DGKB: variants seen among roughly 807,000 people sequenced by gnomAD.
The protein encoded by DGKB is diacylglycerol kinase beta.
Under a neutral mutation model 114.3 loss-of-function variants are expected in DGKB, and 67 were observed. The ratio of observed to expected loss-of-function variants is 0.59; its 90% CI spans 0.48 to 0.72. DGKB has a LOEUF of 0.72. DGKB is among the 30% of genes least tolerant of loss of function. The pLI is 0.00. For synonymous variants in DGKB, 398 were observed against 323.1 expected (o/e 1.23, Z -2.49); for missense variants, 907 against 975.2 (o/e 0.93, Z 0.93).
At chr7:14,401,105 A>G (rs1823033086) in intron 21 of DGKB, among the ~76,000 whole-genome samples, 3 of 151,838 alleles carry the variant, frequency 2.0e-5, no homozygotes, top group Admixed American at 6.6e-5. Flanking sequence ...ATAAAATCCA[A>G]TGTCTCTGAT....
chr7:14,973,842 T>A (rs918344082), intron 1 of DGKB, among the ~76,000 whole-genome samples: 6 of 147,926 alleles, frequency 4.1e-5, no homozygotes, highest in Non-Finnish European at 8.9e-5. Flanking sequence ...TAAAAATAAA[T>A]CTAAAATATA....
intron 21 of DGKB, among the ~76,000 whole-genome samples, chr7:14,356,335 C>G (rs528388336): frequency 9.2e-5 from 13 of 142,072 alleles, no homozygotes; most frequent in African/African-American, 3.4e-4. Context: ...AATTTGTTTG[C>G]TCTTGCTTCT....
intron 17 of DGKB, among the ~76,000 whole-genome samples, chr7:14,589,263 T>C (rs1353871077): frequency 1.3e-5 from 2 of 152,004 alleles, no homozygotes; most frequent in African/African-American, 4.8e-5. Context: ...ATTATCACTG[T>C]TTTTCTATTG....
chr7:14,681,705 A>C (rs1585612131), intron 12 of DGKB, among the ~76,000 whole-genome samples: 2 of 152,128 alleles, frequency 1.3e-5, no homozygotes, highest in Non-Finnish European at 2.9e-5. Flanking sequence ...AAAATGTGTG[A>C]TTCTAATTAA....
At chr7:14,712,464 G>C (rs1205550355) in intron 6 of DGKB, among the ~76,000 whole-genome samples, 3 of 152,070 alleles carry the variant, frequency 2.0e-5, no homozygotes, top group African/African-American at 7.2e-5. Context: ...TTGAGGTCAG[G>C]AGTTCAAGAG....
At chr7:14,782,726 A>G (rs991716879) in intron 2 of DGKB, among the ~76,000 whole-genome samples, 7 of 152,200 alleles carry the variant, frequency 4.6e-5, no homozygotes, top group Non-Finnish European at 7.3e-5. Context: ...TCTAGATGAG[A>G]AAGCCCCATA....
chr7:14,269,501 C>T (rs568737998), intron 23 of DGKB, among the ~76,000 whole-genome samples: 6 of 152,242 alleles, frequency 3.9e-5, no homozygotes, highest in South Asian at 2.1e-4. Context: ...CTATGAGCCA[C>T]GGTTAGTATA....
chr7:14,755,067 T>A (rs1054365243), intron 3 of DGKB, among the ~76,000 whole-genome samples: 2 of 152,178 alleles, frequency 1.3e-5, no homozygotes, highest in Non-Finnish European at 2.9e-5. Flanking sequence ...ATTTAAAAAC[T>A]TTGTAATTTT....
In DGKB at chr7:14,912,760, G is replaced by T. The variant is rs570634674; in HGVS notation, c.-188+61936C>A. Among the ~76,000 whole-genome samples, 3 of 152,080 alleles carry T rather than the reference G, an allele frequency of 2.0e-5. No homozygotes were observed. In the South Asian group the frequency reaches 6.2e-4, roughly 32 times the overall value. On this transcript the variant is annotated intron_variant, in intron 1 of 4. Coordinates refer to the DGKB transcript ENST00000437998. ...TATGTCATTTTATGATGTTAACTGT[G>T]GCTCCAGGCTCCATTTCTCTTGTAG...
At chr7:14,162,023 T>C (rs1002857557) in intron 25 of DGKB, among the ~76,000 whole-genome samples, 1 of 152,224 alleles carries the variant, frequency 6.6e-6, no homozygotes, top group African/African-American at 2.4e-5. Flanking sequence ...AGTTCTGTAT[T>C]AGTGATAAGC....
At chr7:14,496,344 G>GGTGGT (rs1785306169) in intron 20 of DGKB, among the ~76,000 whole-genome samples, 1 of 151,594 alleles carries the variant, frequency 6.6e-6, no homozygotes, top group Non-Finnish European at 1.5e-5. Flanking sequence ...AAGTTTAAAA[G>GGTGGT]GTGGTAAGAT....
At chr7:14,544,585 T>C (rs1793988611) in intron 20 of DGKB, among the ~76,000 whole-genome samples, 1 of 152,178 alleles carries the variant, frequency 6.6e-6, no homozygotes, top group Non-Finnish European at 1.5e-5. Flanking sequence ...GTTTCTAACA[T>C]TGCTGATACA....
chr7:14,434,360 G>C (rs889724259), intron 21 of DGKB, among the ~76,000 whole-genome samples: 3 of 152,060 alleles, frequency 2.0e-5, no homozygotes, highest in African/African-American at 7.2e-5. Context: ...TTTGGGGAGG[G>C]ATTATTCTGA....
intron 21 of DGKB, among the ~76,000 whole-genome samples, chr7:14,382,099 T>G (rs1409047366): frequency 1.3e-5 from 1 of 78,336 alleles, no homozygotes; most frequent in Non-Finnish European, 3.6e-5. Flanking sequence ...ATAGTTTTTG[T>G]CTCAGGTTCA....
chr7:14,565,484 T>C (rs1183159693), intron 20 of DGKB, among the ~76,000 whole-genome samples: 1 of 152,164 alleles, frequency 6.6e-6, no homozygotes, highest in African/African-American at 2.4e-5. Context: ...CTAAGTGAGA[T>C]AGTCTTCTAA....
chr7:14,781,517 C>G (rs1470132514), intron 2 of DGKB, among the ~76,000 whole-genome samples: 1 of 152,122 alleles, frequency 6.6e-6, no homozygotes, highest in Admixed American at 6.5e-5. Flanking sequence ...CTGTCTCAAG[C>G]CAGTGGTTTC....
chr7:14,881,720 T>A (rs1854266061), intron 1 of DGKB, among the ~76,000 whole-genome samples: 2 of 151,978 alleles, frequency 1.3e-5, no homozygotes, highest in African/African-American at 4.8e-5. Flanking sequence ...CCTGAATATG[T>A]TGAACTCTTT....
intron 21 of DGKB, among the ~76,000 whole-genome samples, chr7:14,472,369 G>A (rs1028586587): frequency 2.6e-5 from 4 of 152,180 alleles, no homozygotes; most frequent in Admixed American, 1.3e-4. Flanking sequence ...CTCATTGCCT[G>A]CCACCATCCA....
At chr7:14,939,661 G>A (rs957114613) in intron 1 of DGKB, among the ~76,000 whole-genome samples, 5 of 112,392 alleles carry the variant, frequency 4.4e-5, no homozygotes, top group South Asian at 5.7e-4. Flanking sequence ...ACGGAGTCTC[G>A]TTCTGCCCAG....
Sources: allele counts gnomAD v4.1 joint callset (sites outside exome capture counted in the v4.1 genomes callset), GRCh38; gene constraint gnomAD v4.1.1; transcripts MANE v1.5; gene names NCBI Gene and HGNC (gene_info 2026-07-23, HGNC 2026-07-21).